TAS2R1: variants seen among roughly 807,000 people sequenced by gnomAD.
TAS2R1 encodes the protein taste 2 receptor member 1.
For missense variants in TAS2R1, 370 were observed against 353.4 expected (o/e 1.05, Z -0.38); for synonymous variants, 141 against 134.2 (o/e 1.05, Z -0.35).
At chr5:9,836,790 C>G in the TAS2R1 span, among the ~76,000 whole-genome samples, 1 of 152,116 alleles carries the variant, frequency 6.6e-6, no homozygotes, top group African/African-American at 2.4e-5. Context: ...GACACAAACA[C>G]AAAGTGTGAC....
At chr5:9,902,300 TG>T in the TAS2R1 span, among the ~76,000 whole-genome samples, 18 of 152,066 alleles carry the variant, frequency 1.2e-4, no homozygotes, top group Admixed American at 2.0e-4. Flanking sequence ...ACTGTGGACA[TG>T]TTCTAGAATG....
At chr5:9,675,266 G>T (rs1341141440) in intron 1 of TAS2R1, among the ~76,000 whole-genome samples, 1 of 151,336 alleles carries the variant, frequency 6.6e-6, no homozygotes, top group African/African-American at 2.4e-5. Context: ...GATCCATAGA[G>T]TCATCCTAAT....
the TAS2R1 span, among the ~76,000 whole-genome samples, chr5:9,840,863 T>TA: frequency 6.8e-3 from 65 of 9,598 alleles, no homozygotes; most frequent in South Asian, 0.027. Flanking sequence ...ATTTATTTTT[T>TA]TTTTTTTTTT....
At chr5:9,791,193 CACACACACAT>C in the TAS2R1 span, among the ~76,000 whole-genome samples, 1 of 152,118 alleles carries the variant, frequency 6.6e-6, no homozygotes, top group Non-Finnish European at 1.5e-5. Context: ...GGAGTGAACA[CACACACACAT>C]ACACACACAC....
At chr5:9,791,964 G>C in the TAS2R1 span, among the ~76,000 whole-genome samples, 1 of 152,180 alleles carries the variant, frequency 6.6e-6, no homozygotes, top group Admixed American at 6.5e-5. Context: ...TCTCATGTAG[G>C]GGGCAGGAAA....
chr5:9,681,822 G>A (rs769005517), intron 1 of TAS2R1, among the ~76,000 whole-genome samples: 7 of 152,098 alleles, frequency 4.6e-5, no homozygotes, highest in Non-Finnish European at 1.0e-4. Context: ...TAGAAATGCC[G>A]AATCTCAACT....
chr5:9,767,315 C>A, the TAS2R1 span, among the ~76,000 whole-genome samples: 1 of 152,016 alleles, frequency 6.6e-6, no homozygotes, highest in Non-Finnish European at 1.5e-5. Context: ...CCACCTGCTC[C>A]TTGCCAGCTC....
the TAS2R1 span, among the ~76,000 whole-genome samples, chr5:9,732,601 A>G: frequency 6.6e-6 from 1 of 152,158 alleles, no homozygotes; most frequent in Non-Finnish European, 1.5e-5. Context: ...TGGCTCATTT[A>G]CTGAGGTGGA....
intron 1 of TAS2R1, among the ~76,000 whole-genome samples, chr5:9,662,267 A>G (rs558366143): frequency 6.6e-6 from 1 of 152,344 alleles, no homozygotes; most frequent in East Asian, 1.9e-4. Flanking sequence ...TGCTATTTCA[A>G]TAATCCATCA....
chr5:9,640,507 A>C (rs1173776327), intron 2 of TAS2R1, among the ~76,000 whole-genome samples: 23 of 148,842 alleles, frequency 1.5e-4, no homozygotes, highest in Admixed American at 1.5e-3. Context: ...TAAAAAAAAA[A>C]AAAAAAAAAA....
the TAS2R1 span, among the ~76,000 whole-genome samples, chr5:9,785,232 C>T: frequency 6.6e-6 from 1 of 152,190 alleles, no homozygotes; most frequent in Non-Finnish European, 1.5e-5. Flanking sequence ...AATGAGCCTA[C>T]ACACACCTAT....
intron 1 of TAS2R1, among the ~76,000 whole-genome samples, chr5:9,683,389 A>G (rs1741063392): frequency 1.3e-5 from 2 of 152,352 alleles, no homozygotes; most frequent in East Asian, 3.9e-4. Context: ...AAATACACAC[A>G]GTCAAGTTTA....
chr5:9,850,780 G>T, the TAS2R1 span, among the ~76,000 whole-genome samples: 1 of 152,196 alleles, frequency 6.6e-6, no homozygotes, highest in Non-Finnish European at 1.5e-5. Context: ...CCTGATAAAA[G>T]ATTTGTCTCT....
the TAS2R1 span, among the ~76,000 whole-genome samples, chr5:9,758,644 G>A: frequency 4.5e-4 from 69 of 152,088 alleles, no homozygotes; most frequent in African/African-American, 1.2e-3. Flanking sequence ...ATTAGTATCC[G>A]TGTGAGCAAG....
the TAS2R1 span, among the ~76,000 whole-genome samples, chr5:9,750,881 A>C: frequency 3.9e-5 from 6 of 152,124 alleles, no homozygotes; most frequent in Non-Finnish European, 8.8e-5. Flanking sequence ...CCTCACATAC[A>C]AATGCCATAG....
chr5:9,691,675 G>C (rs918317289), intron 1 of TAS2R1, among the ~76,000 whole-genome samples: 2 of 152,238 alleles, frequency 1.3e-5, no homozygotes, highest in African/African-American at 4.8e-5. Flanking sequence ...GGCCAGGCTG[G>C]GGCTGGCCAG....
At chr5:9,891,657 C>T in the TAS2R1 span, among the ~76,000 whole-genome samples, 2 of 152,118 alleles carry the variant, frequency 1.3e-5, no homozygotes, top group Non-Finnish European at 2.9e-5. Flanking sequence ...TGAGCAAAAG[C>T]CCCCAGCCCA....
At chr5:9,780,706 T>C in the TAS2R1 span, among the ~76,000 whole-genome samples, 9 of 151,400 alleles carry the variant, frequency 5.9e-5, no homozygotes, top group East Asian at 2.0e-4. Context: ...CGCGCGCGCA[T>C]GCACGCACAT....
chr5:9,870,868 A>C, the TAS2R1 span, among the ~76,000 whole-genome samples: 6 of 152,206 alleles, frequency 3.9e-5, no homozygotes, highest in Admixed American at 2.0e-4. Flanking sequence ...GATGATGGAA[A>C]TCCACAAGAG....
Sources: gnomAD v4.1 joint callset for allele counts (sites outside exome capture counted in the v4.1 genomes callset) on GRCh38, gnomAD v4.1.1 for gene constraint, MANE v1.5 for transcripts, NCBI Gene and HGNC (gene_info 2026-07-23, HGNC 2026-07-21) for gene names.